FAM110A: variants seen among roughly 807,000 people sequenced by gnomAD.
FAM110A encodes the protein protein FAM110A.
Under a neutral mutation model 4.0 loss-of-function variants are expected in FAM110A, and 1 was observed. The ratio of observed to expected loss-of-function variants is 0.25; its 90% CI spans 0.09 to 1.20. The LOEUF is 1.20. Among genes scored for constraint, FAM110A ranks in the 50% most tolerant of loss-of-function variants. The probability of loss-of-function intolerance (pLI) is 0.50; values close to 1 mark genes in which losing one functional copy is unlikely to be tolerated. For synonymous variants in FAM110A, 217 were observed against 196.8 expected (o/e 1.10, Z -0.86); for missense variants, 436 against 429.2 (o/e 1.02, Z -0.14).
At chr20:839,544 G>C in intron 1 of FAM110A, 1 of 1,032,058 alleles carries the variant, frequency 9.7e-7, no homozygotes, top group South Asian at 1.3e-5. Flanking sequence ...GTCAGCACCA[G>C]GGGGCACAGA....
chr20:837,981 T>C (rs865915953), intron 1 of FAM110A, among the ~76,000 whole-genome samples: 6 of 152,124 alleles, frequency 3.9e-5, no homozygotes, highest in African/African-American at 1.4e-4. Flanking sequence ...GTGGAGAAAT[T>C]TGGCAGATAC....
At position 845,743 on chromosome 20, in the gene FAM110A, G is replaced by A; in HGVS notation, c.*51G>A. ...CAGGACGGATCTTACAGAGGCAAGT[G>A]GTCCCTGGACCTCTCTTGCATCCAT... is the stretch of plus-strand genomic sequence containing the variant. On this transcript the variant is annotated 3_prime_UTR_variant, in exon 2 of 2. Coordinates refer to ENST00000381941, the MANE Select transcript of FAM110A (RefSeq NM_001042353.3). 1.9e-6 allele frequency: 3 copies of A among 1,609,186 alleles called. No individual in the cohort carries two copies. Among genetic ancestry groups the A allele is most frequent in the Non-Finnish European group, 2.5e-6 (3 of 1,177,880 alleles).
rs1455439919 is a variant in FAM110A, at chr20:834,076, C to G, written c.-98+125C>G. ...TTTCACAGATGAGGACTCTGAGGCTCAGAGAGGCAAGTGTCCCGGCCCGGC... is the reference window on the plus strand; with the variant it reads ...TTTCACAGATGAGGACTCTGAGGCTGAGAGAGGCAAGTGTCCCGGCCCGGC... On this transcript the variant is annotated intron_variant, in intron 1 of 1. Transcript: ENST00000381941. The surrounding 1 kb of genome is among the most constrained non-coding windows in gnomAD (Gnocchi z 5.6). 6.6e-6 allele frequency: 1 copy of G among 152,518 alleles called. No homozygotes were observed. The highest frequency in any genetic ancestry group is 2.4e-5 in the African/African-American group (1 of 41,460). The allele number at this position is 152,518 out of a possible 1,614,324, so 9.4% of individuals were successfully genotyped here. A position where few individuals can be genotyped will look rare whatever the true frequency, so the allele number is the denominator to read the frequency against.
chr20:843,753 A>T (rs1417091028), intron 1 of FAM110A, among the ~76,000 whole-genome samples: 2 of 152,178 alleles, frequency 1.3e-5, no homozygotes, highest in Non-Finnish European at 2.9e-5. Flanking sequence ...TGTCTGGGGC[A>T]TCAGGTCCTG....
intron 1 of FAM110A, 74 bp from the exon 2 acceptor site, chr20:844,634 C>T (rs1341897240): frequency 5.4e-6 from 6 of 1,103,900 alleles, no homozygotes; most frequent in African/African-American, 1.6e-5. Flanking sequence ...GCGTCTTATC[C>T]TCTCAGCCGC....
chr20:844,676 T>A (rs75434277), intron 1 of FAM110A, 32 bp from the exon 2 acceptor site: 11 of 274,558 alleles, frequency 4.0e-5, no homozygotes, highest in Middle Eastern at 1.5e-3. Flanking sequence ...CGCGCTCGGC[T>A]TTTTTTTTTT....
chr20:835,562 C>T (rs142264684), intron 1 of FAM110A, among the ~76,000 whole-genome samples: 194 of 152,266 alleles, frequency 1.3e-3, no homozygotes, highest in African/African-American at 4.3e-3. Context: ...ATTTTGCAAC[C>T]TCAAGTGCAG....
At chr20:835,190 CTCTCTCTCTCTATA>C (rs1215741530) in intron 1 of FAM110A, among the ~76,000 whole-genome samples, 3 of 125,776 alleles carry the variant, frequency 2.4e-5, no homozygotes, top group Non-Finnish European at 5.2e-5. Flanking sequence ...CTCTCTCTCT[CTCTCTCTCTCTATA>C]TATATATATA....
intron 1 of FAM110A, chr20:841,150 G>C (rs1979870720): frequency 6.6e-6 from 1 of 152,252 alleles, no homozygotes; most frequent in Admixed American, 6.5e-5. Context: ...CCGGCGGCCG[G>C]GGCTCGGGTT....
chr20:845,154 CCG>C lies in FAM110A; in HGVS notation c.351_352del (p.Ser119ProfsTer78). ...AGCCTCATCGACTTGTGTGACAGCCCCGTGTCCCCTGCCGAGGCCAGCCGCAC... is the reference window on the plus strand; with the variant it reads ...AGCCTCATCGACTTGTGTGACAGCCCTGTCCCCTGCCGAGGCCAGCCGCAC... On this transcript the variant is annotated frameshift_variant, in exon 2 of 2. Coordinates refer to ENST00000381941, the MANE Select transcript of FAM110A (RefSeq NM_001042353.3). LOFTEE classifies it low-confidence loss of function (END_TRUNC). 1 of 1,577,080 alleles carries C rather than the reference CCG, an allele frequency of 6.3e-7. No individual in the cohort carries two copies. The highest frequency in any genetic ancestry group is 8.6e-7 in the Non-Finnish European group (1 of 1,165,180).
chr20:843,682 C>T (rs1201203548), intron 1 of FAM110A, among the ~76,000 whole-genome samples: 1 of 152,124 alleles, frequency 6.6e-6, no homozygotes, highest in Middle Eastern at 3.2e-3. Flanking sequence ...CTCCAAGGGG[C>T]CTTGTGGGGT....
chr20:835,915 G>A (rs1979551101), intron 1 of FAM110A, among the ~76,000 whole-genome samples: 1 of 152,190 alleles, frequency 6.6e-6, no homozygotes, highest in African/African-American at 2.4e-5. Flanking sequence ...CCAGGCTTCT[G>A]CTGAAGGGAA....
rs757795524 is a variant in FAM110A, at chr20:845,239, G to T, written c.435G>T (p.Pro145=). Residue 145 remains proline, a synonymous_variant, in exon 2 of 2, where the codon CCG becomes CCT. Transcript: ENST00000381941. The stretch of plus-strand genomic sequence containing the variant: ...CCCCAGCCACCCCTCCGCGACCGCC[G>T]CCCAGTACCTCTGCGGTCCGCCGGG... ...RPPPATPPRP[P]PSTSAVRRVD... is the part of the protein sequence containing the mutation. 5.2e-6 allele frequency: 8 copies of T among 1,525,854 alleles called. No individual in the cohort carries two copies. The highest frequency in any genetic ancestry group is 1.4e-5 in the African/African-American group (1 of 70,910). 94.5% of individuals were successfully genotyped at this position (1,525,854 alleles called of 1,614,324 possible).
intron 1 of FAM110A, among the ~76,000 whole-genome samples, chr20:836,874 T>C (rs1979600300): frequency 6.6e-6 from 1 of 152,154 alleles, no homozygotes; most frequent in Non-Finnish European, 1.5e-5. Context: ...ACTTGTTATT[T>C]TCTGTTTGTA....
chr20:843,476 A>G lies in FAM110A; in HGVS notation c.-97-1232A>G, dbSNP rs376113028. ...TAGTGTAGCTCAGGAACTGAATTTT[A>G]TGTTTTTATTTCATTTAAATTTAAA... On this transcript the variant is annotated intron_variant, in intron 1 of 1. Transcript: ENST00000381941. 2.4e-4 allele frequency among the ~76,000 whole-genome samples: 36 copies of G among 152,296 alleles called. No individual in the cohort carries two copies. In the East Asian group the frequency reaches 5.4e-3, roughly 23 times the overall value.
chr20:834,211 T>A lies in FAM110A; in HGVS notation c.-98+260T>A, dbSNP rs1230566502. Among the ~76,000 whole-genome samples the A allele has an allele frequency of 6.6e-6, 1 of 152,162 alleles. No homozygotes were observed. Among genetic ancestry groups the A allele is most frequent in the Non-Finnish European group, 1.5e-5 (1 of 68,024 alleles). On this transcript the variant is annotated intron_variant, in intron 1 of 1. Coordinates refer to ENST00000381941, the MANE Select transcript of FAM110A (RefSeq NM_001042353.3). The surrounding 1 kb of genome is among the most constrained non-coding windows in gnomAD (Gnocchi z 5.6). ...GGCCCAGACGGGCAACTGGTAGTCA[T>A]TTTCCCAGCGTTTTATCGGCAGGGA... is the stretch of plus-strand genomic sequence containing the variant.
chr20:846,120 A>C lies in FAM110A; in HGVS notation c.*428A>C. 4.9e-6 allele frequency: 1 copy of C among 203,712 alleles called. No homozygotes were observed. The highest frequency in any genetic ancestry group is 1.1e-5 in the Non-Finnish European group (1 of 89,932). The allele number at this position is 203,712 out of a possible 1,614,324, so 12.6% of individuals were successfully genotyped here. A position where few individuals can be genotyped will look rare whatever the true frequency, so the allele number is the denominator to read the frequency against. On this transcript the variant is annotated 3_prime_UTR_variant, in exon 2 of 2. Coordinates refer to ENST00000381941, the MANE Select transcript of FAM110A (RefSeq NM_001042353.3). ...TCCTCTTCCTTACCCAGCAGAACTC[A>C]CCCTGGGGTCGGGGCAGTGGGGAGG...
At chr20:835,213 TACAC>T (rs376949719) in intron 1 of FAM110A, among the ~76,000 whole-genome samples, 3 of 148,402 alleles carry the variant, frequency 2.0e-5, no homozygotes, top group African/African-American at 7.6e-5. Flanking sequence ...TATATATATA[TACAC>T]ACACACATAT....
intron 1 of FAM110A, among the ~76,000 whole-genome samples, chr20:842,042 A>C (rs1399218731): frequency 2.0e-5 from 3 of 152,214 alleles, no homozygotes; most frequent in African/African-American, 4.8e-5. Context: ...CCTTTTTGCC[A>C]GATGCCGAGG....
Sources: allele counts gnomAD v4.1 joint callset (sites outside exome capture counted in the v4.1 genomes callset), GRCh38; gene constraint gnomAD v4.1.1; non-coding constraint Gnocchi (gnomAD v3.1); transcripts MANE v1.5; gene names NCBI Gene and HGNC (gene_info 2026-07-23, HGNC 2026-07-21).